The following PRDM10 variants were observed in gnomAD, a reference collection of about 807,000 sequenced individuals.
PRDM10 encodes PR/SET domain 10.
In PRDM10, 65 loss-of-function variants were observed where a neutral mutation model predicts 133.1. That is an observed-to-expected ratio of 0.49 (90% CI 0.40 to 0.60). The LOEUF is 0.60. Ranked by LOEUF, PRDM10 falls within the 20% of genes least tolerant of loss-of-function variation. The pLI, the probability that PRDM10 is intolerant of heterozygous loss-of-function variation, is 0.00. For synonymous variants in PRDM10, 582 were observed against 580.4 expected, an observed-to-expected ratio of 1.00 and a Z score of -0.04; for missense variants, 1,137 against 1,507.1, an observed-to-expected ratio of 0.75 and a Z score of 4.07.
chr11:129,977,416 T>C (rs974671855), intron 1 of PRDM10, among the ~76,000 whole-genome samples: 3 of 152,074 alleles, frequency 2.0e-5, no homozygotes, highest in Non-Finnish European at 4.4e-5. Context: ...CCCCAGTAGC[T>C]GGGATTACAC....
At position 130,001,606 on chromosome 11, in the gene PRDM10, A is replaced by T. The variant is rs146607901; in HGVS notation, c.-119+1116T>A. The stretch of plus-strand genomic sequence containing the variant: ...GCACATTGATTGAAAATGCACTAAA[A>T]TCCAACTCATCCACCAAGCAAGGCT... On this transcript the variant is annotated intron_variant, in intron 1 of 20. Transcript: ENST00000360871. 1.6e-3 allele frequency among the ~76,000 whole-genome samples: 247 copies of T among 152,260 alleles called. 1 individual carries two copies. The highest frequency in any genetic ancestry group is 5.6e-3 in the African/African-American group (231 of 41,570).
intron 20 of PRDM10, among the ~76,000 whole-genome samples, chr11:129,903,300 A>AAATAATAATAAT (rs55765531): frequency 0.23 from 31,224 of 137,722 alleles, 3,881 homozygotes; most frequent in Non-Finnish European, 0.28. Context: ...CTCCGTCTCA[A>AAATAATAATAAT]AATAATAATA....
chr11:129,977,660 A>T (rs1044106248), intron 1 of PRDM10, among the ~76,000 whole-genome samples: 4 of 152,216 alleles, frequency 2.6e-5, no homozygotes, highest in Admixed American at 1.3e-4. Flanking sequence ...GAACTGAAGT[A>T]AAGAAGCAGG....
At chr11:129,910,795 A>G in intron 18 of PRDM10, 139 bp from the exon 19 acceptor site, 1 of 902,062 alleles carries the variant, frequency 1.1e-6, no homozygotes, top group Middle Eastern at 3.4e-4. Context: ...TTTTCTTTTG[A>G]GATGGAGTTT....
At chr11:129,973,885 T>A (rs1443116710) in intron 1 of PRDM10, among the ~76,000 whole-genome samples, 1 of 152,206 alleles carries the variant, frequency 6.6e-6, no homozygotes, top group Non-Finnish European at 1.5e-5. Context: ...TGGAGCTAGG[T>A]AGGACAAGAA....
At chr11:129,904,746 T>C (rs1477276572) in intron 20 of PRDM10, among the ~76,000 whole-genome samples, 1 of 152,240 alleles carries the variant, frequency 6.6e-6, no homozygotes, top group Non-Finnish European at 1.5e-5. Context: ...GTGATCTGCC[T>C]GCCTTGGCCC....
In PRDM10 at chr11:129,923,462, AG is replaced by A; in HGVS notation, c.1879-60del. 6.5e-7 allele frequency: 1 copy of A among 1,534,628 alleles called. No individual in the cohort carries two copies. The highest frequency in any genetic ancestry group is 8.8e-7 in the Non-Finnish European group (1 of 1,139,510). On this transcript the variant is annotated intron_variant, in intron 12 of 20. Coordinates refer to ENST00000360871, the MANE Select transcript of PRDM10 (RefSeq NM_199437.2). The surrounding 1 kb of genome is among the most constrained non-coding windows in gnomAD (Gnocchi z 4.4). ...CGCAGGCACCAAATGAAATGACCAA[AG>A]GCAGCTTGTCAACGCTAGAGGGAGC...
chr11:129,928,778 C>G lies in PRDM10; in HGVS notation c.1530+2238G>C, dbSNP rs1041469036. On this transcript the variant is annotated intron_variant, in intron 11 of 20. Transcript: ENST00000360871. ...TTTGGTTGGCCAGCCCTGCCCAACTCGGCTCACTCTGCACCATCCTTCCAC... is the reference window on the plus strand; with the variant it reads ...TTTGGTTGGCCAGCCCTGCCCAACTGGGCTCACTCTGCACCATCCTTCCAC... 2.0e-5 allele frequency among the ~76,000 whole-genome samples: 3 copies of G among 152,158 alleles called. No individual in the cohort carries two copies. The South Asian group carries it at 6.2e-4, about 32-fold the overall frequency.
Position 129,918,542 on chromosome 11 carries a change from CA to C in PRDM10, c.2210del (p.Met737SerfsTer3). On this transcript the variant is annotated frameshift_variant, in exon 14 of 21. Coordinates refer to ENST00000360871, the MANE Select transcript of PRDM10 (RefSeq NM_199437.2). LOFTEE classifies it high-confidence loss of function. The surrounding 1 kb of genome is among the most constrained non-coding windows in gnomAD (Gnocchi z 5.3). ...LCMMGFRRRGMLVNHLSKRHP... is the reference protein window; with the variant it reads ...LCMMGFRRRGXLVNHLSKRHP... ...CCCGCAGCCACTGGGCACTGACCAGCATGCCGCGCCGCCGGAAGCCCATCAT... is the reference window on the plus strand; with the variant it reads ...CCCGCAGCCACTGGGCACTGACCAGCTGCCGCGCCGCCGGAAGCCCATCAT... 1 of 1,613,428 alleles carries C rather than the reference CA, an allele frequency of 6.2e-7. No individual in the cohort carries two copies.
At chr11:129,929,709 T>C (rs1357614460) in intron 11 of PRDM10, among the ~76,000 whole-genome samples, 1 of 145,978 alleles carries the variant, frequency 6.9e-6, no homozygotes, top group African/African-American at 2.6e-5. Flanking sequence ...TGTTTGTGCA[T>C]CCACAACTTC....
At chr11:129,980,861 GTTTTTTT>G (rs60735364) in intron 1 of PRDM10, among the ~76,000 whole-genome samples, 2 of 102,128 alleles carry the variant, frequency 2.0e-5, no homozygotes, top group East Asian at 3.1e-4. Flanking sequence ...GACATTTCTG[GTTTTTTT>G]TTTTTTTTTT....
chr11:129,908,912 T>C (rs1462182306), intron 19 of PRDM10, among the ~76,000 whole-genome samples: 1 of 151,784 alleles, frequency 6.6e-6, no homozygotes, highest in Non-Finnish European at 1.5e-5. Flanking sequence ...GTGTTTTTAA[T>C]AGAGATGGGG....
chr11:129,906,984 A>C (rs1390442707), intron 19 of PRDM10, among the ~76,000 whole-genome samples: 2 of 106,640 alleles, frequency 1.9e-5, no homozygotes, highest in East Asian at 3.0e-4. Flanking sequence ...TTTCAAAAAG[A>C]AAAAGAAAAA....
intron 6 of PRDM10, among the ~76,000 whole-genome samples, chr11:129,943,317 T>G (rs1951275458): frequency 6.6e-6 from 1 of 152,238 alleles, no homozygotes; most frequent in African/African-American, 2.4e-5. Flanking sequence ...CTTGCAAACA[T>G]TACTGGCACA....
At position 129,918,576 on chromosome 11, in the gene PRDM10, C is replaced by T; in HGVS notation, c.2177G>A (p.Arg726His). ...CCGCCGGAAGCCCATCATGCACAGGCGGCACTTGAACGTGAAGCTGTCGTA... is the reference window on the plus strand; with the variant it reads ...CCGCCGGAAGCCCATCATGCACAGGTGGCACTTGAACGTGAAGCTGTCGTA... Reference protein sequence around the residue: ...TDYDSFTFKCRLCMMGFRRRG... With the variant: ...TDYDSFTFKCHLCMMGFRRRG... The change falls in exon 14 of 21, where the codon CGC becomes CAC. Residue 726 changes from arginine (R) to histidine (H), a missense_variant. By Grantham distance (29) the Arg-to-His change is conservative. This residue lies in a region of PRDM10 where 78 missense variants were observed against 96.4 expected (regional missense o/e 0.81). Transcript: ENST00000360871. This position sits in a 1 kb window ranked among gnomAD's most constrained non-coding sequence, Gnocchi z 5.3. 5 of 1,614,176 alleles carry T rather than the reference C, an allele frequency of 3.1e-6. No homozygotes were observed. In the South Asian group the frequency reaches 4.4e-5, roughly 14 times the overall value.
chr11:129,988,695 T>C (rs542769625), intron 1 of PRDM10, among the ~76,000 whole-genome samples: 1 of 151,964 alleles, frequency 6.6e-6, no homozygotes, highest in East Asian at 1.9e-4. Context: ...AGTGGTGCAA[T>C]CTCGGCTCAC....
chr11:129,984,853 G>A (rs989640212), intron 1 of PRDM10, among the ~76,000 whole-genome samples: 13 of 152,136 alleles, frequency 8.5e-5, no homozygotes, highest in South Asian at 4.1e-4. Context: ...TCTCCTCTGC[G>A]AGGATGCTTT....
At chr11:129,967,280 A>G (rs1249142849) in intron 1 of PRDM10, among the ~76,000 whole-genome samples, 2 of 152,092 alleles carry the variant, frequency 1.3e-5, no homozygotes, top group Non-Finnish European at 2.9e-5. Flanking sequence ...AATCCCAGCT[A>G]CTCAGGAGGC....
Position 129,912,477 on chromosome 11 carries a change from C to T in PRDM10, c.2842-252G>A, listed in dbSNP as rs551218257. Among the ~76,000 whole-genome samples the T allele has an allele frequency of 1.1e-4, 17 of 152,046 alleles. No homozygotes were observed. In the South Asian group the frequency reaches 3.3e-3, roughly 30 times the overall value. On this transcript the variant is annotated intron_variant, in intron 17 of 20. Transcript: ENST00000360871. ...AAAATTAGTCAGGTGAATGGCCGGG[C>T]GCCGTGGCTCACGCCTGTAATCCCA...
Sources: gnomAD v4.1 joint callset for allele counts (sites outside exome capture counted in the v4.1 genomes callset) on GRCh38, gnomAD v4.1.1 for gene constraint, gnomAD v4.1.1 regional missense constraint, Gnocchi (gnomAD v3.1) non-coding constraint, MANE v1.5 for transcripts, NCBI Gene and HGNC (gene_info 2026-07-23, HGNC 2026-07-21) for gene names.